FHIT: variants seen among roughly 807,000 people sequenced by gnomAD.
The protein encoded by FHIT is fragile histidine triad diadenosine triphosphatase, also known as bis(5'-adenosyl)-triphosphatase.
FHIT carries 19 observed loss-of-function variants against 17.9 expected under a neutral mutation model. The ratio of observed to expected loss-of-function variants is 1.06; its 90% confidence interval spans 0.74 to 1.56. The LOEUF is 1.56. Ranked by LOEUF, FHIT falls within the 40% of genes most tolerant of loss-of-function variation. The pLI is 0.00. For missense variants in FHIT, 248 were observed against 189.2 expected (o/e 1.31, Z -1.82); for synonymous variants, 81 against 69.7 (o/e 1.16, Z -0.81).
intron 3 of FHIT, among the ~76,000 whole-genome samples, chr3:61,016,073 C>T (rs902200159): frequency 6.6e-6 from 1 of 152,216 alleles, no homozygotes; most frequent in African/African-American, 2.4e-5. Context: ...CAGGCCACTT[C>T]CTAACAGGCC....
At chr3:59,839,692 G>C (rs909309257) in intron 8 of FHIT, among the ~76,000 whole-genome samples, 5 of 152,060 alleles carry the variant, frequency 3.3e-5, no homozygotes, top group Non-Finnish European at 7.4e-5. Context: ...TTCAATCCCA[G>C]TGCCATTATC....
chr3:59,822,087 A>G (rs1446490561), intron 8 of FHIT, among the ~76,000 whole-genome samples: 3 of 152,216 alleles, frequency 2.0e-5, no homozygotes, highest in Non-Finnish European at 4.4e-5. Context: ...ACTTAGAATA[A>G]TAGTCCCCAG....
intron 4 of FHIT, among the ~76,000 whole-genome samples, chr3:60,602,595 T>C (rs1317835121): frequency 1.3e-5 from 2 of 152,086 alleles, no homozygotes; most frequent in African/African-American, 2.4e-5. Context: ...GAAACCATGG[T>C]AAAAAGACTA....
intron 5 of FHIT, among the ~76,000 whole-genome samples, chr3:60,086,229 A>T (rs145350953): frequency 1.3e-5 from 2 of 152,230 alleles, no homozygotes; most frequent in African/African-American, 2.4e-5. Flanking sequence ...GCTTAACCCA[A>T]AGGACAGGCA....
chr3:60,125,681 C>T (rs9856764), intron 5 of FHIT, among the ~76,000 whole-genome samples: 62,799 of 148,892 alleles, frequency 0.42, 13,474 homozygotes, highest in Non-Finnish European at 0.46. Flanking sequence ...TATGTGTGTG[C>T]GTGTGTACAT....
intron 5 of FHIT, among the ~76,000 whole-genome samples, chr3:60,345,856 A>C (rs369377074): frequency 2.7e-5 from 3 of 110,714 alleles, no homozygotes; most frequent in South Asian, 2.8e-4. Flanking sequence ...ACAGTTACTA[A>C]CATATTTGTA....
chr3:60,940,018 CATTA>C (rs1708342763), intron 3 of FHIT, among the ~76,000 whole-genome samples: 1 of 151,874 alleles, frequency 6.6e-6, no homozygotes, highest in South Asian at 2.1e-4. Context: ...ATAAAGGCTT[CATTA>C]ATTAGATTTT....
rs557978071 is a variant in FHIT, at chr3:60,375,220, G to T, written c.103+161640C>A. Reference sequence around the variant, plus strand: ...TGATTCTGTATAGGAACATCTTAATGTAACATCCTTAAGTAGAAACCCAGT... The same window carrying T: ...TGATTCTGTATAGGAACATCTTAATTTAACATCCTTAAGTAGAAACCCAGT... On this transcript the variant is annotated intron_variant, in intron 5 of 9. Coordinates refer to ENST00000492590, the MANE Select transcript of FHIT (RefSeq NM_002012.4). 2.6e-5 allele frequency among the ~76,000 whole-genome samples: 4 copies of T among 152,018 alleles called. No homozygotes were observed. The East Asian group carries it at 7.7e-4, about 29-fold the overall frequency.
chr3:60,077,472 G>A (rs539070279), intron 5 of FHIT: 1 of 151,978 alleles, frequency 6.6e-6, no homozygotes, highest in South Asian at 2.1e-4. Context: ...TAATGGGACA[G>A]GACAGGAACA....
chr3:60,367,995 A>C (rs890331946), intron 5 of FHIT, among the ~76,000 whole-genome samples: 1 of 152,144 alleles, frequency 6.6e-6, no homozygotes, highest in African/African-American at 2.4e-5. Context: ...TTATAGGTGA[A>C]GTATCTTTTA....
At chr3:59,836,908 TTTCTTA>T (rs2106729898) in intron 8 of FHIT, among the ~76,000 whole-genome samples, 1 of 152,304 alleles carries the variant, frequency 6.6e-6, no homozygotes, top group South Asian at 2.1e-4. Context: ...ATTAAGACAC[TTTCTTA>T]CCTTCGCATG....
chr3:60,583,967 G>T (rs1358163499), intron 4 of FHIT, among the ~76,000 whole-genome samples: 1 of 152,032 alleles, frequency 6.6e-6, no homozygotes, highest in East Asian at 1.9e-4. Flanking sequence ...ACAGAATCTG[G>T]AATCTGAAAA....
intron 3 of FHIT, among the ~76,000 whole-genome samples, chr3:60,842,112 A>AG (rs1702741541): frequency 6.6e-6 from 1 of 152,196 alleles, no homozygotes; most frequent in African/African-American, 2.4e-5. Context: ...CAAAACTTCT[A>AG]GGCTTCAGAA....
chr3:60,696,682 T>C (rs1553700724), intron 4 of FHIT, among the ~76,000 whole-genome samples: 2 of 152,148 alleles, frequency 1.3e-5, no homozygotes, highest in Non-Finnish European at 1.5e-5. Flanking sequence ...AGTTTTTAAA[T>C]GTCACTAGAT....
At chr3:60,504,994 G>C (rs2034669957) in intron 5 of FHIT, among the ~76,000 whole-genome samples, 1 of 152,130 alleles carries the variant, frequency 6.6e-6, no homozygotes, top group Non-Finnish European at 1.5e-5. Flanking sequence ...CAGGTCCCAG[G>C]GGACAAGGGG....
At chr3:60,944,121 T>C (rs1167362834) in intron 3 of FHIT, among the ~76,000 whole-genome samples, 2 of 152,172 alleles carry the variant, frequency 1.3e-5, no homozygotes, top group Admixed American at 6.5e-5. Context: ...TCCAGTTAAA[T>C]GAGGGTCGCA....
intron 4 of FHIT, among the ~76,000 whole-genome samples, chr3:60,731,576 A>AT (rs2042030931): frequency 6.6e-6 from 1 of 152,092 alleles, no homozygotes; most frequent in Admixed American, 6.5e-5. Flanking sequence ...CTGCAGTGGT[A>AT]TGCATACCCA....
intron 4 of FHIT, among the ~76,000 whole-genome samples, chr3:60,750,649 T>C (rs765832492): frequency 1.3e-3 from 202 of 152,302 alleles, no homozygotes; most frequent in Non-Finnish European, 1.8e-4. Context: ...TGTGGAACAG[T>C]AAGTCCAATA....
chr3:60,173,918 T>TATATATATATATA (rs375142735), intron 5 of FHIT, among the ~76,000 whole-genome samples: 61 of 46,772 alleles, frequency 1.3e-3, no homozygotes, highest in Middle Eastern at 0.014. Context: ...TATATATATG[T>TATATATATATATA]TTTTTTTTTT....
Sources: gnomAD v4.1 joint callset for allele counts (sites outside exome capture counted in the v4.1 genomes callset) on GRCh38, gnomAD v4.1.1 for gene constraint, MANE v1.5 for transcripts, NCBI Gene and HGNC (gene_info 2026-07-23, HGNC 2026-07-21) for gene names.